Variants in CCDC85C observed in about 807,000 individuals in gnomAD.
The protein encoded by CCDC85C is coiled-coil domain containing 85C, also known as coiled-coil domain-containing protein 85C.
In CCDC85C, 18 loss-of-function variants were observed where a neutral mutation model predicts 38.3. That is an observed-to-expected ratio of 0.47 (90% confidence interval 0.33 to 0.70). CCDC85C has a LOEUF of 0.70. Ranked by LOEUF, CCDC85C falls within the 30% of genes least tolerant of loss-of-function variation. The pLI, the probability that CCDC85C is intolerant of heterozygous loss-of-function variation, is 0.03. For missense variants in CCDC85C, 566 were observed against 621.2 expected, an observed-to-expected ratio of 0.91 and a Z score of 0.94; for synonymous variants, 264 against 293.8, an observed-to-expected ratio of 0.90 and a Z score of 1.04.
rs756827566 is a variant in CCDC85C at position 99,507,163 on chromosome 14, A to T, written c.*8083T>A. ...CCACCTCCAGGTAAGCATCTGCTGA[A>T]GCAGCTTGGCCAGCTGTGCACATCG... On this transcript the variant is annotated 3_prime_UTR_variant, in exon 6 of 6. Transcript: ENST00000380243. 1.3e-6 allele frequency: 2 copies of T among 1,534,538 alleles called. No individual in the cohort carries two copies. The highest frequency in any genetic ancestry group is 1.1e-5 in the South Asian group (1 of 89,528).
At position 99,503,588 on chromosome 14, in the gene CCDC85C, T is replaced by C. The variant is rs1316345545; in HGVS notation, c.*11658A>G. The C allele has an allele frequency of 8.4e-6, 13 of 1,551,292 alleles. No homozygotes were observed. In the East Asian group the frequency reaches 2.9e-4, roughly 34 times the overall value. ...TCATACTCAGGATCCCAGTTAACAA[T>C]TGTGTATTTTCTTTTGTAACAGGTT... On this transcript the variant is annotated 3_prime_UTR_variant, in exon 6 of 6. Coordinates refer to ENST00000380243, the MANE Select transcript of CCDC85C (RefSeq NM_001144995.2).
chr14:99,522,409 G>C (rs1009255339), intron 2 of CCDC85C, 169 bp from the exon 3 acceptor site: 6 of 554,890 alleles, frequency 1.1e-5, no homozygotes, highest in Admixed American at 9.5e-5. Context: ...GGGATCAATC[G>C]ATCTTCACTC....
intron 2 of CCDC85C, chr14:99,534,814 G>A: frequency 1.5e-6 from 1 of 678,632 alleles, no homozygotes; most frequent in Non-Finnish European, 2.7e-6. Context: ...TGTGGCCAAA[G>A]CCCTTCACCA....
intron 1 of CCDC85C, among the ~76,000 whole-genome samples, chr14:99,585,782 C>T (rs1220457586): frequency 6.6e-6 from 1 of 152,158 alleles, no homozygotes; most frequent in African/African-American, 2.4e-5. Flanking sequence ...ACCCTCGGGG[C>T]ACCAGCCAGG....
intron 1 of CCDC85C, among the ~76,000 whole-genome samples, chr14:99,547,731 G>A (rs986909490): frequency 6.6e-6 from 1 of 151,460 alleles, no homozygotes; most frequent in Non-Finnish European, 1.5e-5. Flanking sequence ...CCAAGATCGC[G>A]CCACTGCACT....
chr14:99,566,773 G>A (rs1006582918), intron 1 of CCDC85C, among the ~76,000 whole-genome samples: 5 of 152,204 alleles, frequency 3.3e-5, no homozygotes, highest in Non-Finnish European at 7.3e-5. Flanking sequence ...ACCCCATCAC[G>A]TGGTCCCTCC....
At chr14:99,542,785 C>T (rs1375370734) in intron 1 of CCDC85C, among the ~76,000 whole-genome samples, 2 of 152,250 alleles carry the variant, frequency 1.3e-5, no homozygotes, top group Non-Finnish European at 2.9e-5. Flanking sequence ...CCAGGCCCAG[C>T]GGGTCCTGCA....
intron 1 of CCDC85C, among the ~76,000 whole-genome samples, chr14:99,571,160 G>A (rs2400754): frequency 0.57 from 86,421 of 151,550 alleles, 24,704 homozygotes; most frequent in African/African-American, 0.62. Flanking sequence ...CAAAGGCAGT[G>A]CAGTGAGGGG....
chr14:99,535,233 C>T lies in CCDC85C; in HGVS notation c.867+782G>A, dbSNP rs901335505. On this transcript the variant is annotated intron_variant, in intron 2 of 5. Coordinates refer to ENST00000380243, the MANE Select transcript of CCDC85C (RefSeq NM_001144995.2). This position sits in a 1 kb window ranked among gnomAD's most constrained non-coding sequence, Gnocchi z 5.5. ...GACGCCTTGGGTATCCCAGGCTGAC[C>T]GCTCACGGCGCAGTGGGAAAAGCAG... Among the ~76,000 whole-genome samples the T allele has an allele frequency of 6.6e-6, 1 of 152,202 alleles. No homozygotes were observed. The highest frequency in any genetic ancestry group is 2.1e-4 in the South Asian group (1 of 4,832).
chr14:99,603,554 C>G lies in CCDC85C; in HGVS notation c.406G>C (p.Ala136Pro), dbSNP rs2055233692. 1.4e-6 allele frequency: 2 copies of G among 1,393,056 alleles called. No homozygotes were observed. Among genetic ancestry groups the G allele is most frequent in the Admixed American group, 6.9e-5 (2 of 28,942 alleles). The allele number at this position is 1,393,056 out of a possible 1,614,324, so 86.3% of individuals were successfully genotyped here. A position where few individuals can be genotyped will look rare whatever the true frequency, so the allele number is the denominator to read the frequency against. Residue 136 changes from alanine to proline, a missense_variant, in exon 1 of 6, where the codon GCC becomes CCC. Physicochemically the swap from Ala to Pro is conservative, Grantham distance 27 (BLOSUM62 -1). Around this residue, in one of 3 missense-constraint regions of CCDC85C, gnomAD observed 269 missense variants for 308.2 expected, o/e 0.87. Coordinates refer to ENST00000380243, the MANE Select transcript of CCDC85C (RefSeq NM_001144995.2). This position sits in a 1 kb window ranked among gnomAD's most constrained non-coding sequence, Gnocchi z 7.5. ...AGCTCCAGGTTCTCGCGCAGCAGGG[C>G]CTCCTGGCGCGCCTCGAGCTCGCGC... ...KLRELEARQE[A>P]LLRENLELKE...
At chr14:99,564,117 A>G (rs1040508571) in intron 1 of CCDC85C, among the ~76,000 whole-genome samples, 3 of 152,266 alleles carry the variant, frequency 2.0e-5, no homozygotes, top group Non-Finnish European at 4.4e-5. Flanking sequence ...TACGCTCCAT[A>G]GAGGCTGGAC....
At position 99,508,298 on chromosome 14, in the gene CCDC85C, G is replaced by A. The variant is rs1459819569; in HGVS notation, c.*6948C>T. The A allele has an allele frequency of 6.6e-6, 1 of 152,264 alleles. No homozygotes were observed. Among genetic ancestry groups the A allele is most frequent in the African/African-American group, 2.4e-5 (1 of 41,456 alleles). The allele number at this position is 152,264 out of a possible 1,614,324, so 9.4% of individuals were successfully genotyped here. A position where few individuals can be genotyped will look rare whatever the true frequency, so the allele number is the denominator to read the frequency against. ...CATTTATGGAGCACCTCCTCGCCAA[G>A]TGCAGTTCCCCTGGTCCGAGCCTGG... is the stretch of plus-strand genomic sequence containing the variant. On this transcript the variant is annotated 3_prime_UTR_variant, in exon 6 of 6. Coordinates refer to ENST00000380243, the MANE Select transcript of CCDC85C (RefSeq NM_001144995.2).
chr14:99,503,126 C>A lies in CCDC85C; in HGVS notation c.*12120G>T. 1 of 957,246 alleles carries A rather than the reference C, an allele frequency of 1.0e-6. No individual in the cohort carries two copies. Among genetic ancestry groups the A allele is most frequent in the Admixed American group, 1.8e-5 (1 of 54,088 alleles). The allele number at this position is 957,246 out of a possible 1,614,324, so 59.3% of individuals were successfully genotyped here. ...CGAAACTCGCAGTCCGACTGCTTGT[C>A]GGTGGGGAGCCTGAAAACAAAGGTG... On this transcript the variant is annotated 3_prime_UTR_variant, in exon 6 of 6. Transcript: ENST00000380243.
intron 1 of CCDC85C, among the ~76,000 whole-genome samples, chr14:99,554,267 C>T (rs893827619): frequency 6.6e-6 from 1 of 152,166 alleles, no homozygotes; most frequent in Non-Finnish European, 1.5e-5. Context: ...TGTGGCCATC[C>T]CAGCACACAA....
At chr14:99,532,818 G>C (rs4905850) in intron 2 of CCDC85C, among the ~76,000 whole-genome samples, 2 of 141,468 alleles carry the variant, frequency 1.4e-5, no homozygotes, top group South Asian at 2.3e-4. Context: ...GTCTCACTCT[G>C]TTTCCCGGGT....
intron 1 of CCDC85C, among the ~76,000 whole-genome samples, chr14:99,552,549 G>A (rs1196363968): frequency 6.6e-6 from 1 of 152,222 alleles, no homozygotes; most frequent in Non-Finnish European, 1.5e-5. Flanking sequence ...CTCTCAAAGG[G>A]AAGGCCAGGC....
In CCDC85C at chr14:99,507,182, C is replaced by G. The variant is rs756679096; in HGVS notation, c.*8064G>C. ...TGCTGAAGCAGCTTGGCCAGCTGTG[C>G]ACATCGCCTCTGAATGTTGGACGCA... is the stretch of plus-strand genomic sequence containing the variant. On this transcript the variant is annotated 3_prime_UTR_variant, in exon 6 of 6. Transcript: ENST00000380243. 4.7e-6 allele frequency: 6 copies of G among 1,270,254 alleles called. No individual in the cohort carries two copies. The highest frequency in any genetic ancestry group is 6.9e-6 in the Non-Finnish European group (6 of 867,320). The allele number at this position is 1,270,254 out of a possible 1,614,324, so 78.7% of individuals were successfully genotyped here.
At chr14:99,580,255 G>A (rs1295387850) in intron 1 of CCDC85C, 2 of 398,494 alleles carry the variant, frequency 5.0e-6, no homozygotes, top group Non-Finnish European at 5.0e-6. Context: ...CACAGTGGGT[G>A]ACAGACCAGC....
At chr14:99,518,927 T>C (rs534258507) in intron 3 of CCDC85C, among the ~76,000 whole-genome samples, 1 of 152,124 alleles carries the variant, frequency 6.6e-6, no homozygotes, top group Non-Finnish European at 1.5e-5. Context: ...AGCCCTAGTG[T>C]TACCTCCAGG....
Sources: allele counts gnomAD v4.1 joint callset (sites outside exome capture counted in the v4.1 genomes callset), GRCh38; gene constraint gnomAD v4.1.1; regional missense constraint gnomAD v4.1.1; non-coding constraint Gnocchi (gnomAD v3.1); transcripts MANE v1.5; gene names NCBI Gene and HGNC (gene_info 2026-07-23, HGNC 2026-07-21).